TRPV3: variants seen among roughly 807,000 people sequenced by gnomAD.
TRPV3 encodes transient receptor potential cation channel subfamily V member 3, also known as VRL-3.
In TRPV3, 88 loss-of-function variants were observed where a neutral mutation model predicts 87.1. The observed-to-expected ratio is 1.01, with a 90% CI of 0.85 to 1.21. The LOEUF is 1.21. Among genes scored for constraint, TRPV3 ranks in the 50% most tolerant of loss-of-function variants. TRPV3 has a pLI of 0.00. For synonymous variants in TRPV3, 438 were observed against 423.3 expected (o/e 1.03, Z -0.43); for missense variants, 1,054 against 1,030.1 (o/e 1.02, Z -0.32).
intron 1 of TRPV3, 50 bp from the exon 2 acceptor site, chr17:3,554,902 C>G: frequency 1.5e-6 from 2 of 1,373,590 alleles, no homozygotes; most frequent in Non-Finnish European, 2.0e-6. Flanking sequence ...ACAGGGGGAG[C>G]TTCAGGGAGT....
chr17:3,538,229 A>G (rs1383997673), intron 6 of TRPV3, among the ~76,000 whole-genome samples: 1 of 152,130 alleles, frequency 6.6e-6, no homozygotes, highest in Non-Finnish European at 1.5e-5. Flanking sequence ...TTAAAAGTCT[A>G]TAATATATTA....
chr17:3,516,430 A>G, intron 16 of TRPV3, 27 bp downstream of exon 16: 1 of 1,588,012 alleles, frequency 6.3e-7, no homozygotes, highest in Non-Finnish European at 8.6e-7. Flanking sequence ...AAAGACCACC[A>G]CCCCAGGGCC....
chr17:3,524,127 G>T, intron 13 of TRPV3, 71 bp downstream of exon 13: 1 of 1,573,104 alleles, frequency 6.4e-7, no homozygotes, highest in Non-Finnish European at 8.7e-7. Context: ...TTCCTCTCCA[G>T]ATCTCAGTTT....
rs2074640424 is a variant in TRPV3, at chr17:3,557,173, C to T, written c.-3+503G>A. ...TTGCCCTGGCCCTCCCTCTCTCTCC[C>T]AATCCCTGACACTGATTGAAATGGC... On this transcript the variant is annotated intron_variant, in intron 1 of 17. Coordinates refer to ENST00000576742, the MANE Select transcript of TRPV3 (RefSeq NM_145068.4). The surrounding 1 kb of genome is among the most constrained non-coding windows in gnomAD (Gnocchi z 4.5). 6.6e-6 allele frequency among the ~76,000 whole-genome samples: 1 copy of T among 152,174 alleles called. No homozygotes were observed. Among genetic ancestry groups the T allele is most frequent in the Non-Finnish European group, 1.5e-5 (1 of 68,024 alleles).
chr17:3,551,093 C>G (rs2074569818), intron 2 of TRPV3, among the ~76,000 whole-genome samples: 1 of 152,194 alleles, frequency 6.6e-6, no homozygotes, highest in Non-Finnish European at 1.5e-5. Flanking sequence ...GGGATTTGGT[C>G]TGGGTCTTGA....
In TRPV3 at chr17:3,517,775, C is replaced by T. The variant is rs961324905; in HGVS notation, c.2085+801G>A. On this transcript the variant is annotated intron_variant, in intron 15 of 17. Coordinates refer to ENST00000576742, the MANE Select transcript of TRPV3 (RefSeq NM_145068.4). ...CTTTCATAGGTTGTTCTGCAGATAT[C>T]CAAAGGCACGCTCACCTTTTTCCAA... is the stretch of plus-strand genomic sequence containing the variant. 2.0e-5 allele frequency among the ~76,000 whole-genome samples: 3 copies of T among 151,368 alleles called. No homozygotes were observed. In the South Asian group the frequency reaches 6.3e-4, roughly 32 times the overall value.
At chr17:3,514,159 A>G in intron 17 of TRPV3, 148 bp from the exon 18 acceptor site, 1 of 608,114 alleles carries the variant, frequency 1.6e-6, no homozygotes, top group Non-Finnish European at 2.7e-6. Flanking sequence ...GCTCACTGCA[A>G]CCTCCACCTC....
chr17:3,526,857 A>T lies in TRPV3; in HGVS notation c.1574T>A (p.Val525Asp). 1 of 1,610,466 alleles carries T rather than the reference A, an allele frequency of 6.2e-7. No individual in the cohort carries two copies. Among genetic ancestry groups the T allele is most frequent in the Non-Finnish European group, 8.5e-7 (1 of 1,178,546 alleles). The change falls in exon 12 of 18, where the codon GTC becomes GAC. Residue 525 changes from valine to aspartate, a missense_variant. Transcript: ENST00000576742. Reference sequence around the variant, plus strand: ...CCAAGGGGCCAGACCTACTTACAAGACAAAGTGGAACCAGGCATCCGAGAG... The same window carrying T: ...CCAAGGGGCCAGACCTACTTACAAGTCAAAGTGGAACCAGGCATCCGAGAG... ...SILSDAWFHF[V>D]FFIQAVLVIL...
In TRPV3 at chr17:3,513,887, G is replaced by A. The variant is rs1338751591; in HGVS notation, c.*30C>T. On this transcript the variant is annotated 3_prime_UTR_variant, in exon 18 of 18. Transcript: ENST00000576742. ...GACTCCGCCTGCAGCGCCAGACAGC[G>A]CACGCGCACACCAGCTCTGGGTTCC... 7 of 1,576,126 alleles carry A rather than the reference G, an allele frequency of 4.4e-6. No homozygotes were observed. The African/African-American group carries it at 6.8e-5, about 15-fold the overall frequency.
chr17:3,513,819 C>G lies in TRPV3; in HGVS notation c.*98G>C. On this transcript the variant is annotated 3_prime_UTR_variant, in exon 18 of 18. Coordinates refer to ENST00000576742, the MANE Select transcript of TRPV3 (RefSeq NM_145068.4). ...GCACTCTGCTTCTAGGCCAGCAGAGCCGGACTCCACCATCCCTCAAAGCCT... is the reference window on the plus strand; with the variant it reads ...GCACTCTGCTTCTAGGCCAGCAGAGGCGGACTCCACCATCCCTCAAAGCCT... The G allele has an allele frequency of 2.9e-6, 3 of 1,037,238 alleles. No individual in the cohort carries two copies. The highest frequency in any genetic ancestry group is 1.6e-5 in the African/African-American group (1 of 62,644). 64.3% of individuals were successfully genotyped at this position (1,037,238 alleles called of 1,614,324 possible). A position where few individuals can be genotyped will look rare whatever the true frequency, so the allele number is the denominator to read the frequency against.
At chr17:3,542,066 C>T (rs1368719448) in intron 6 of TRPV3, among the ~76,000 whole-genome samples, 2 of 152,176 alleles carry the variant, frequency 1.3e-5, no homozygotes, top group Non-Finnish European at 2.9e-5. Flanking sequence ...AGGTGATTCT[C>T]CTGCCTCAGC....
chr17:3,517,743 G>C (rs11656938), intron 15 of TRPV3, among the ~76,000 whole-genome samples: 56,286 of 150,956 alleles, frequency 0.37, 11,704 homozygotes, highest in Non-Finnish European at 0.47. Flanking sequence ...GAAGGGATCT[G>C]CTCCCTCTTT....
chr17:3,528,731 A>G lies in TRPV3; in HGVS notation c.1401+106T>C. 7.3e-7 allele frequency: 1 copy of G among 1,373,848 alleles called. No individual in the cohort carries two copies. The highest frequency in any genetic ancestry group is 9.9e-7 in the Non-Finnish European group (1 of 1,005,578). The allele number at this position is 1,373,848 out of a possible 1,614,324, so 85.1% of individuals were successfully genotyped here. On this transcript the variant is annotated intron_variant, in intron 10 of 17. Coordinates refer to ENST00000576742, the MANE Select transcript of TRPV3 (RefSeq NM_145068.4). The surrounding 1 kb of genome is among the most constrained non-coding windows in gnomAD (Gnocchi z 4.2). ...AAGGACAACTGGGGGACCCCGCCCA[A>G]TCTCCTGGTCTCTCTGGGCCTCAGT... is the stretch of plus-strand genomic sequence containing the variant.
chr17:3,519,426 A>AC (rs2074214831), intron 14 of TRPV3, among the ~76,000 whole-genome samples: 1 of 141,010 alleles, frequency 7.1e-6, no homozygotes, highest in African/African-American at 2.8e-5. Context: ...GGATGATTGG[A>AC]TGGATGGATG....
Position 3,536,501 on chromosome 17 carries a change from T to C in TRPV3, c.644-788A>G, listed in dbSNP as rs530017166. Among the ~76,000 whole-genome samples, 16 of 152,142 alleles carry C rather than the reference T, an allele frequency of 1.1e-4. No individual in the cohort carries two copies. The East Asian group carries it at 2.3e-3, about 22-fold the overall frequency. On this transcript the variant is annotated intron_variant, in intron 6 of 17. Transcript: ENST00000576742. Reference sequence around the variant, plus strand: ...TACTTGGGAGGCTGAGGCAGGAGAATCGCTTGAACCCAGGAGGCAGAGGTT... The same window carrying C: ...TACTTGGGAGGCTGAGGCAGGAGAACCGCTTGAACCCAGGAGGCAGAGGTT...
At chr17:3,524,658 G>C (rs1402478500) in intron 12 of TRPV3, among the ~76,000 whole-genome samples, 1 of 150,594 alleles carries the variant, frequency 6.6e-6, no homozygotes, top group Non-Finnish European at 1.5e-5. Flanking sequence ...GTACTGCCCG[G>C]GAGGCCATAT....
rs202118701 is a variant in TRPV3 at position 3,532,742 on chromosome 17, C to A, written c.980G>T (p.Arg327Leu). The change falls in exon 8 of 18, where the codon CGG (arginine) becomes CTG (leucine). Residue 327 changes from arginine to leucine, a missense_variant. Arg to Leu is a moderately radical substitution (Grantham distance 102). Transcript: ENST00000576742. ...VKRMYDMILL[R>L]SGNWELETTR... is the part of the protein sequence containing the mutation. ...GGTCTCCAGCTCCCAGTTGCCACTCCGCAGTAGGATCATGTCGTACATGCG... is the reference window on the plus strand; with the variant it reads ...GGTCTCCAGCTCCCAGTTGCCACTCAGCAGTAGGATCATGTCGTACATGCG... 2 of 1,614,256 alleles carry A rather than the reference C, an allele frequency of 1.2e-6. No homozygotes were observed.
At position 3,542,505 on chromosome 17, in the gene TRPV3, C is replaced by T. The variant is rs1424811791; in HGVS notation, c.643+17G>A. 1.2e-6 allele frequency: 2 copies of T among 1,609,922 alleles called. No homozygotes were observed. The highest frequency in any genetic ancestry group is 2.7e-5 in the African/African-American group (2 of 74,930). On this transcript the variant is annotated intron_variant, in intron 6 of 17. Transcript: ENST00000576742. ...TCAGAGACTCCTGTCTGCACAGCCC[C>T]TCTGCAGGCAGGATACCTTCATAGG...
chr17:3,550,737 G>A (rs1307846605), intron 2 of TRPV3, among the ~76,000 whole-genome samples: 2 of 151,770 alleles, frequency 1.3e-5, no homozygotes, highest in Non-Finnish European at 2.9e-5. Context: ...TGTTAGCCAG[G>A]ATGGTCTTGA....
Sources: allele counts gnomAD v4.1 joint callset (sites outside exome capture counted in the v4.1 genomes callset), GRCh38; gene constraint gnomAD v4.1.1; non-coding constraint Gnocchi (gnomAD v3.1); transcripts MANE v1.5; gene names NCBI Gene and HGNC (gene_info 2026-07-23, HGNC 2026-07-21).